PDE7B: variants seen among roughly 807,000 people sequenced by gnomAD.
The protein encoded by PDE7B is 3',5'-cyclic-AMP phosphodiesterase 7B.
PDE7B carries 29 observed loss-of-function variants against 56.2 expected under a neutral mutation model. The ratio of observed to expected loss-of-function variants is 0.52; its 90% CI spans 0.38 to 0.70. The LOEUF is 0.70. Ranked by LOEUF, PDE7B falls within the 30% of genes least tolerant of loss-of-function variation. The pLI is 0.00. For synonymous variants in PDE7B, 197 were observed against 196.9 expected, an observed-to-expected ratio of 1.00 and a Z score of 0.00; for missense variants, 490 against 565.0, an observed-to-expected ratio of 0.87 and a Z score of 1.35.
At chr6:135,866,968 T>A (rs1775272957) in intron 1 of PDE7B, among the ~76,000 whole-genome samples, 1 of 152,172 alleles carries the variant, frequency 6.6e-6, no homozygotes, top group South Asian at 2.1e-4. Flanking sequence ...CCTCTGGCGG[T>A]TTGTCAGCTT....
chr6:135,967,815 G>T (rs1775022058), intron 2 of PDE7B, among the ~76,000 whole-genome samples: 2 of 152,178 alleles, frequency 1.3e-5, no homozygotes, highest in African/African-American at 4.8e-5. Flanking sequence ...AAGAGGTCAT[G>T]GGCAAGAGCA....
intron 1 of PDE7B, among the ~76,000 whole-genome samples, chr6:135,926,609 T>G (rs886890239): frequency 6.6e-6 from 1 of 151,972 alleles, no homozygotes; most frequent in Non-Finnish European, 1.5e-5. Context: ...CTGCTTCCGG[T>G]GAAGATCAGA....
chr6:136,160,443 A>G (rs28508361), intron 8 of PDE7B, among the ~76,000 whole-genome samples: 1 of 152,064 alleles, frequency 6.6e-6, no homozygotes, highest in African/African-American at 2.4e-5. Context: ...GCTTTTTGCT[A>G]GGGAGGATAC....
chr6:136,172,645 C>T (rs1562513001), intron 8 of PDE7B, among the ~76,000 whole-genome samples: 1 of 151,878 alleles, frequency 6.6e-6, no homozygotes, highest in South Asian at 2.1e-4. Context: ...TTAATTAGAT[C>T]CCATTTGTCA....
chr6:136,065,422 T>C (rs917628133), intron 2 of PDE7B, among the ~76,000 whole-genome samples: 1 of 152,214 alleles, frequency 6.6e-6, no homozygotes, highest in African/African-American at 2.4e-5. Context: ...TGGGCTTGAT[T>C]TGGCTATTTC....
chr6:135,986,217 A>G (rs914083122), intron 2 of PDE7B, among the ~76,000 whole-genome samples: 1 of 152,198 alleles, frequency 6.6e-6, no homozygotes, highest in Admixed American at 6.5e-5. Context: ...TGACTTGTTT[A>G]CCAAAACATC....
At position 135,992,739 on chromosome 6, in the gene PDE7B, G is replaced by A. The variant is rs114406822; in HGVS notation, c.82+45215G>A. 7.2e-3 allele frequency among the ~76,000 whole-genome samples: 1,093 copies of A among 152,162 alleles called. 22 individuals are homozygous for A. Among genetic ancestry groups the A allele is most frequent in the African/African-American group, 0.024 (1,009 of 41,496 alleles). On this transcript the variant is annotated intron_variant, in intron 2 of 12. Coordinates refer to ENST00000308191, the MANE Select transcript of PDE7B (RefSeq NM_018945.4). ...ACATGTCCATTTATGTTTCATCTAC[G>A]GATATTAAAATATTATTTCCCAGTG... is the stretch of plus-strand genomic sequence containing the variant.
chr6:135,949,230 T>C (rs1774651771), intron 2 of PDE7B, among the ~76,000 whole-genome samples: 1 of 152,082 alleles, frequency 6.6e-6, no homozygotes, highest in Non-Finnish European at 1.5e-5. Context: ...TTTAAGCACA[T>C]GAATGCATCA....
intron 8 of PDE7B, among the ~76,000 whole-genome samples, chr6:136,163,191 C>A (rs990233442): frequency 6.6e-6 from 1 of 152,236 alleles, no homozygotes; most frequent in African/African-American, 2.4e-5. Context: ...TCTGCCCCTA[C>A]AGAAACTCAT....
chr6:135,996,304 C>A (rs1393521004), intron 2 of PDE7B, among the ~76,000 whole-genome samples: 1 of 152,162 alleles, frequency 6.6e-6, no homozygotes. Flanking sequence ...TCAAACAAAT[C>A]AAGCAAGGAT....
chr6:136,056,508 AATCCTTTTTTTTTTTT>A lies in PDE7B; in HGVS notation c.83-52222_83-52207del, dbSNP rs1776733776. ...CAATTCTGAGCTCCTTTGCAGATAG[AATCCTTTTTTTTTTTT>A]TTTTTTTTTTTTTTTTTTTTTTTTT... is the stretch of plus-strand genomic sequence containing the variant. On this transcript the variant is annotated intron_variant, in intron 2 of 12. Transcript: ENST00000308191. Among the ~76,000 whole-genome samples the A allele has an allele frequency of 2.3e-5, 3 of 129,834 alleles. No individual in the cohort carries two copies. The East Asian group carries it at 7.0e-4, about 30-fold the overall frequency. 85.2% of individuals were successfully genotyped at this position (129,834 alleles called of 152,430 possible). A position where few individuals can be genotyped will look rare whatever the true frequency, so the allele number is the denominator to read the frequency against.
At chr6:136,133,914 C>A (rs1218883176) in intron 3 of PDE7B, among the ~76,000 whole-genome samples, 1 of 152,044 alleles carries the variant, frequency 6.6e-6, no homozygotes, top group Non-Finnish European at 1.5e-5. Context: ...GGGGATGTGG[C>A]ATAAAAACAG....
Position 135,907,154 on chromosome 6 carries a change from C to T in PDE7B, c.22-40310C>T, listed in dbSNP as rs561914514. On this transcript the variant is annotated intron_variant, in intron 1 of 12. Transcript: ENST00000308191. The stretch of plus-strand genomic sequence containing the variant: ...TTGGCCTCCTAGCTACAGCTTTCTG[C>T]TGCTGCTTTTTATAAAATTCCTGGA... Among the ~76,000 whole-genome samples the T allele has an allele frequency of 1.1e-3, 175 of 152,270 alleles. 1 individual carries two copies. Among genetic ancestry groups the T allele is most frequent in the Middle Eastern group, 3.4e-3 (1 of 294 alleles).
intron 5 of PDE7B, among the ~76,000 whole-genome samples, chr6:136,150,268 G>A (rs966912411): frequency 3.3e-5 from 5 of 152,048 alleles, no homozygotes; most frequent in African/African-American, 1.2e-4. Context: ...AATCGACAGG[G>A]GGAAATAAAT....
intron 2 of PDE7B, chr6:136,037,711 G>A: frequency 3.0e-6 from 3 of 985,472 alleles, no homozygotes; most frequent in Non-Finnish European, 3.6e-6. Flanking sequence ...CCAGCAAGGG[G>A]GGAGCCCCTC....
rs985490420 is a variant in PDE7B, at chr6:135,892,994, C to T, written c.21+40975C>T. On this transcript the variant is annotated intron_variant, in intron 1 of 12. Coordinates refer to ENST00000308191, the MANE Select transcript of PDE7B (RefSeq NM_018945.4). ...AATCCACATGGCATTGATTTTAGAG[C>T]TCATTTGTGCACTTTTCTTGTTCTG... 6.2e-4 allele frequency among the ~76,000 whole-genome samples: 94 copies of T among 151,942 alleles called. 1 individual carries two copies. Among genetic ancestry groups the T allele is most frequent in the African/African-American group, 2.2e-3 (89 of 41,362 alleles).
At chr6:136,046,126 AAAAAG>A (rs1361571360) in intron 2 of PDE7B, 6 of 152,112 alleles carry the variant, frequency 3.9e-5, no homozygotes, top group Non-Finnish European at 7.3e-5. Context: ...AAAATAATTT[AAAAAG>A]AAAAGAAGAA....
intron 1 of PDE7B, among the ~76,000 whole-genome samples, chr6:135,890,744 A>G (rs1446602005): frequency 1.3e-5 from 2 of 152,158 alleles, no homozygotes; most frequent in Non-Finnish European, 2.9e-5. Context: ...AAGCAAAAAG[A>G]TACTCTTCGA....
At chr6:136,125,583 A>C (rs1229007014) in intron 3 of PDE7B, among the ~76,000 whole-genome samples, 2 of 151,974 alleles carry the variant, frequency 1.3e-5, no homozygotes, top group African/African-American at 2.4e-5. Flanking sequence ...AAAAATAAAT[A>C]AATAAAGAAT....
Sources: allele counts gnomAD v4.1 joint callset (sites outside exome capture counted in the v4.1 genomes callset), GRCh38; gene constraint gnomAD v4.1.1; transcripts MANE v1.5; gene names NCBI Gene and HGNC (gene_info 2026-07-23, HGNC 2026-07-21).